The following IL12RB1 variants were observed in gnomAD, a reference collection of about 807,000 sequenced individuals.
The protein encoded by IL12RB1 is interleukin 12 receptor subunit beta 1, also known as interleukin-12 receptor subunit beta-1.
Under a neutral mutation model 94.4 loss-of-function variants are expected in IL12RB1, and 64 were observed. That is an observed-to-expected ratio of 0.68 (90% CI 0.55 to 0.83). The LOEUF is 0.83. IL12RB1 is among the 40% of genes least tolerant of loss of function. IL12RB1 has a pLI of 0.00. For missense variants in IL12RB1, 814 were observed against 855.6 expected, an observed-to-expected ratio of 0.95 and a Z score of 0.61; for synonymous variants, 362 against 355.5, an observed-to-expected ratio of 1.02 and a Z score of -0.21.
In IL12RB1 at chr19:18,069,615, C is replaced by T; in HGVS notation, c.1120G>A (p.Val374Met). The T allele has an allele frequency of 6.2e-7, 1 of 1,613,348 alleles. No individual in the cohort carries two copies. The highest frequency in any genetic ancestry group is 1.7e-5 in the Admixed American group (1 of 60,012). ...GTGGCAAGGCCCCCGTCCTGGCCCA[C>T]AGGCTGCCATTCAATGCAATACGTC... ...SMTYCIEWQP[V>M]GQDGGLATCS... The change falls in exon 10 of 17, where the codon GTG (valine) becomes ATG (methionine). Residue 374 changes from valine to methionine, a missense_variant. Coordinates refer to ENST00000593993, the MANE Select transcript of IL12RB1 (RefSeq NM_005535.3).
intron 7 of IL12RB1, among the ~76,000 whole-genome samples, chr19:18,075,061 A>C (rs1329318385): frequency 2.7e-5 from 4 of 150,722 alleles, no homozygotes; most frequent in Admixed American, 2.0e-4. Context: ...CAAAAAAAAA[A>C]ACAACAAAAA....
chr19:18,080,683 C>A (rs965292610), intron 4 of IL12RB1, 149 bp downstream of exon 4: 1 of 719,402 alleles, frequency 1.4e-6, no homozygotes, highest in Non-Finnish European at 2.6e-6. Flanking sequence ...TGCTTTGTCA[C>A]AATAGTGTTT....
At chr19:18,063,437 C>T (rs984977062) in intron 13 of IL12RB1, among the ~76,000 whole-genome samples, 1 of 151,900 alleles carries the variant, frequency 6.6e-6, no homozygotes, top group Non-Finnish European at 1.5e-5. Flanking sequence ...ATTTATTTGT[C>T]GCTCAATGAA....
chr19:18,095,952 A>G lies in IL12RB1; in HGVS notation c.-230+2803T>C, dbSNP rs548835503. ...AAAATGCAGGTGCTAAGCCAGGCAC[A>G]GTGGCTCATGCCTGTAGTCCCAGCG... On this transcript the variant is annotated intron_variant, in intron 1 of 4. Transcript: ENST00000594176. Among the ~76,000 whole-genome samples, 71 of 152,296 alleles carry G rather than the reference A, an allele frequency of 4.7e-4. No individual in the cohort carries two copies. In the Middle Eastern group the frequency reaches 0.017, roughly 36 times the overall value.
Position 18,063,970 on chromosome 19 carries a change from A to T in IL12RB1, c.1524T>A (p.Ser508Arg), listed in dbSNP as rs1255633675. 11 of 1,611,588 alleles carry T rather than the reference A, an allele frequency of 6.8e-6. No homozygotes were observed. The highest frequency in any genetic ancestry group is 3.3e-4 in the Middle Eastern group (2 of 6,040). The change falls in exon 13 of 17, where the codon AGT becomes AGA. Residue 508 changes from serine to arginine, a missense_variant. By Grantham distance (110) the Ser-to-Arg change is moderately radical (BLOSUM62 -1). Transcript: ENST00000593993. ...VQPTETQVTL[S>R]GLRAGVAYTV... The stretch of plus-strand genomic sequence containing the variant: ...TGTAGGCTACACCAGCCCGCAGGCC[A>T]CTGAGGGTAACTTGGGTCTCTGTGG...
chr19:18,088,188 C>A (rs2036460290), upstream of IL12RB1, among the ~76,000 whole-genome samples: 1 of 152,040 alleles, frequency 6.6e-6, no homozygotes, highest in African/African-American at 2.4e-5. Context: ...GAGTTTGAGA[C>A]CAGCCTGACC....
chr19:18,095,921 A>G (rs1442179609), intron 1 of IL12RB1, among the ~76,000 whole-genome samples: 3 of 152,086 alleles, frequency 2.0e-5, no homozygotes, highest in East Asian at 1.9e-4. Flanking sequence ...AGTCCCAGGG[A>G]AAGAAAAAAT....
chr19:18,065,009 G>T (rs1391907937), intron 12 of IL12RB1, among the ~76,000 whole-genome samples: 1 of 152,146 alleles, frequency 6.6e-6, no homozygotes, highest in Non-Finnish European at 1.5e-5. Context: ...CTTCATCCTA[G>T]ATATTTCTGC....
intron 1 of IL12RB1, among the ~76,000 whole-genome samples, chr19:18,092,740 G>C (rs2036691059): frequency 6.7e-6 from 1 of 149,702 alleles, no homozygotes. Flanking sequence ...CTGGTCTCAA[G>C]GGATCCTCCC....
At chr19:18,092,493 A>T (rs539567170) in intron 1 of IL12RB1, among the ~76,000 whole-genome samples, 2 of 151,940 alleles carry the variant, frequency 1.3e-5, no homozygotes, top group East Asian at 3.9e-4. Context: ...TCTGTCTCAA[A>T]AAAATAAAAT....
At chr19:18,097,938 G>A in intron 1 of IL12RB1, 3 of 872,602 alleles carry the variant, frequency 3.4e-6, no homozygotes, top group Non-Finnish European at 4.5e-6. Flanking sequence ...GGGAAACTGA[G>A]GCAGAGGGTG....
intron 2 of IL12RB1, 58 bp downstream of exon 2, chr19:18,083,374 A>G: frequency 6.5e-7 from 1 of 1,533,820 alleles, no homozygotes; most frequent in Non-Finnish European, 9.0e-7. Context: ...GCCGCTGTGG[A>G]TGGGGTCAGG....
rs112319267 is a variant in IL12RB1, at chr19:18,093,674, G to A, written c.-229-2905C>T. Among the ~76,000 whole-genome samples, 1,152 of 152,274 alleles carry A rather than the reference G, an allele frequency of 7.6e-3. 15 individuals carry two copies. Among genetic ancestry groups the A allele is most frequent in the African/African-American group, 0.025 (1,058 of 41,556 alleles). The stretch of plus-strand genomic sequence containing the variant: ...TGTACACCTTGAACCAATCACAGTG[G>A]CTGAGGTGGATAAACGAGTCTGAGT... On this transcript the variant is annotated intron_variant, in intron 1 of 4. Transcript: ENST00000594176.
chr19:18,073,645 G>T lies in IL12RB1; in HGVS notation c.701-46C>A, dbSNP rs777516136. Reference sequence around the variant, plus strand: ...ACTAGACGAATTGGAAGGAGAGAAAGACTGATGGATGTTTTCTTTGTAAAT... The same window carrying T: ...ACTAGACGAATTGGAAGGAGAGAAATACTGATGGATGTTTTCTTTGTAAAT... On this transcript the variant is annotated intron_variant, in intron 7 of 16. Transcript: ENST00000593993. The T allele has an allele frequency of 9.1e-6, 10 of 1,104,928 alleles. No homozygotes were observed. The Admixed American group carries it at 1.7e-4, about 19-fold the overall frequency. The allele number at this position is 1,104,928 out of a possible 1,614,324, so 68.4% of individuals were successfully genotyped here. A position where few individuals can be genotyped will look rare whatever the true frequency, so the allele number is the denominator to read the frequency against.
upstream of IL12RB1, among the ~76,000 whole-genome samples, chr19:18,088,503 G>T (rs1359552781): frequency 6.6e-6 from 1 of 150,928 alleles, no homozygotes; most frequent in African/African-American, 2.4e-5. Flanking sequence ...GGTTGAGGCT[G>T]CAGTGAATCG....
upstream of IL12RB1, among the ~76,000 whole-genome samples, chr19:18,088,065 C>T (rs1420580229): frequency 6.6e-6 from 1 of 151,904 alleles, no homozygotes; most frequent in East Asian, 1.9e-4. Flanking sequence ...TCTACCTAAA[C>T]AACATAGCAA....
chr19:18,073,720 G>A (rs1294418411), intron 7 of IL12RB1, 121 bp from the exon 8 acceptor site: 1 of 735,448 alleles, frequency 1.4e-6, no homozygotes. Flanking sequence ...GCCCCAAATT[G>A]CAGAAAAGAG....
intron 1 of IL12RB1, among the ~76,000 whole-genome samples, chr19:18,084,549 C>A (rs1028540822): frequency 2.6e-5 from 4 of 151,830 alleles, no homozygotes; most frequent in Admixed American, 1.3e-4. Flanking sequence ...ATTCACCCAA[C>A]CATCCATCTA....
At chr19:18,077,230 C>T (rs373656964) in intron 5 of IL12RB1, among the ~76,000 whole-genome samples, 3 of 151,868 alleles carry the variant, frequency 2.0e-5, no homozygotes, top group Non-Finnish European at 2.9e-5. Context: ...TGGTAGTGGG[C>T]GCATGCCTGT....
Sources: allele counts gnomAD v4.1 joint callset (sites outside exome capture counted in the v4.1 genomes callset), GRCh38; gene constraint gnomAD v4.1.1; transcripts MANE v1.5; gene names NCBI Gene and HGNC (gene_info 2026-07-23, HGNC 2026-07-21).